Variants in MROH1 observed in about 807,000 individuals in gnomAD.
The protein encoded by MROH1 is maestro heat like repeat family member 1, also known as maestro heat-like repeat-containing protein family member 1.
MROH1 carries 117 observed loss-of-function variants against 116.5 expected under a neutral mutation model. The ratio of observed to expected loss-of-function variants is 1.00; its 90% CI spans 0.86 to 1.17. The LOEUF (loss-of-function observed/expected upper bound fraction) is 1.17. Ranked by LOEUF, MROH1 falls within the 50% of genes most tolerant of loss-of-function variation. MROH1 has a pLI of 0.00. For missense variants in MROH1, 1,873 were observed against 1,338.5 expected, an observed-to-expected ratio of 1.40 and a Z score of -6.23; for synonymous variants, 921 against 583.9, an observed-to-expected ratio of 1.58 and a Z score of -8.32.
chr8:144,157,049 G>A (rs1443158178), intron 1 of MROH1, among the ~76,000 whole-genome samples: 2 of 152,038 alleles, frequency 1.3e-5, no homozygotes, highest in East Asian at 1.9e-4. Flanking sequence ...TCCGCCTCCC[G>A]CATTCAAGGG....
Position 144,255,565 on chromosome 8 carries a change from C to G in MROH1, c.3651C>G (p.Leu1217=), listed in dbSNP as rs1009585058. Residue 1217 remains leucine (L), a synonymous_variant, in exon 35 of 44, where the codon CTC becomes CTG. Transcript: ENST00000326134. ...MSTPAAGPAV[L]ELYPQLFVVL... is the part of the protein sequence containing the mutation. ...CGCCTGCAGCGGGGCCCGCGGTGCT[C>G]GAGCTCTACCCCCAGCTGTTTGTGG... 9 of 779,396 alleles carry G rather than the reference C, an allele frequency of 1.2e-5. No homozygotes were observed. In the South Asian group the frequency reaches 1.2e-4, roughly 10 times the overall value. The allele number at this position is 779,396 out of a possible 1,614,324, so 48.3% of individuals were successfully genotyped here. A position where few individuals can be genotyped will look rare whatever the true frequency, so the allele number is the denominator to read the frequency against.
intron 29 of MROH1, among the ~76,000 whole-genome samples, chr8:144,246,099 C>CTTCCTTTCT (rs1400021184): frequency 4.7e-5 from 6 of 128,542 alleles, no homozygotes; most frequent in South Asian, 2.9e-4. Flanking sequence ...CCTTTCCTTC[C>CTTCCTTTCT]TTCCTTTCTT....
chr8:144,248,550 C>T (rs947462951), intron 31 of MROH1, among the ~76,000 whole-genome samples: 6 of 152,286 alleles, frequency 3.9e-5, no homozygotes, highest in South Asian at 4.1e-4. Context: ...AGCTCCAGGG[C>T]GACTGCACCA....
chr8:144,183,199 G>A (rs758114402), intron 7 of MROH1, among the ~76,000 whole-genome samples: 5 of 152,040 alleles, frequency 3.3e-5, no homozygotes, highest in Non-Finnish European at 7.4e-5. Context: ...GCAGCATGGT[G>A]AGACCCCATC....
In MROH1 at chr8:144,224,707, G is replaced by C. The variant is rs530500859; in HGVS notation, c.1338+1477G>C. 3.9e-5 allele frequency among the ~76,000 whole-genome samples: 6 copies of C among 152,296 alleles called. No homozygotes were observed. In the East Asian group the frequency reaches 1.2e-3, roughly 29 times the overall value. On this transcript the variant is annotated intron_variant, in intron 14 of 43. Transcript: ENST00000326134. ...TTATTCATGATAAAATGTTCAAAAA[G>C]CAAAGCAGGACATGTTGCTCTGAGA...
intron 5 of MROH1, among the ~76,000 whole-genome samples, chr8:144,179,905 G>A (rs574655841): frequency 1.3e-5 from 2 of 151,716 alleles, no homozygotes; most frequent in South Asian, 4.2e-4. Context: ...AACTCTCAGG[G>A]CACTGAGTGC....
intron 12 of MROH1, among the ~76,000 whole-genome samples, chr8:144,204,027 C>T (rs1832291714): frequency 6.6e-6 from 1 of 152,176 alleles, no homozygotes; most frequent in Admixed American, 6.6e-5. Flanking sequence ...ATATTTTAAC[C>T]AAATGACATA....
At chr8:144,247,471 C>A in intron 30 of MROH1, 35 bp downstream of exon 30, 1 of 766,382 alleles carries the variant, frequency 1.3e-6, no homozygotes, top group South Asian at 1.4e-5. Context: ...GGCCAGTGGT[C>A]GTGCAGGGGT....
intron 35 of MROH1, 71 bp from the exon 36 acceptor site, chr8:144,258,706 C>T (rs1183309208): frequency 1.1e-5 from 8 of 710,044 alleles, no homozygotes; most frequent in African/African-American, 5.2e-5. Context: ...TGGGTGCAGA[C>T]CTGAGGAGTT....
chr8:144,201,649 C>G (rs972380848), intron 12 of MROH1, among the ~76,000 whole-genome samples: 3 of 152,210 alleles, frequency 2.0e-5, no homozygotes, highest in Admixed American at 2.0e-4. Flanking sequence ...TACCAGTCAG[C>G]TGCTGGGTTG....
intron 33 of MROH1, chr8:144,254,518 G>T (rs1234520647): frequency 2.9e-6 from 1 of 348,366 alleles, no homozygotes; most frequent in Non-Finnish European, 5.3e-6. Context: ...GGGAAGATTT[G>T]TTCTCCCTCC....
chr8:144,248,331 A>G (rs1842259674), intron 31 of MROH1, among the ~76,000 whole-genome samples: 1 of 152,004 alleles, frequency 6.6e-6, no homozygotes, highest in Non-Finnish European at 1.5e-5. Flanking sequence ...TTCCAAGGGG[A>G]TGAGAAAGCT....
chr8:144,241,699 G>C (rs1172528373), intron 22 of MROH1, among the ~76,000 whole-genome samples, 182 bp downstream of exon 22: 3 of 152,360 alleles, frequency 2.0e-5, no homozygotes, highest in African/African-American at 7.2e-5. Flanking sequence ...GAGGGCGGCA[G>C]AATGGCCTCC....
chr8:144,188,038 A>G (rs994347751), intron 7 of MROH1, among the ~76,000 whole-genome samples: 3 of 152,228 alleles, frequency 2.0e-5, no homozygotes, highest in Admixed American at 6.5e-5. Context: ...ATGGAAAGCC[A>G]GGGACCGGCG....
intron 14 of MROH1, 79 bp downstream of exon 14, chr8:144,223,309 T>C (rs1837186571): frequency 1.3e-6 from 2 of 1,514,088 alleles, no homozygotes; most frequent in Non-Finnish European, 1.8e-6. Flanking sequence ...CAGGAGCCAC[T>C]GGCCCAGCAG....
intron 1 of MROH1, among the ~76,000 whole-genome samples, chr8:144,159,354 G>T (rs1048983365): frequency 6.6e-6 from 1 of 152,150 alleles, no homozygotes; most frequent in Admixed American, 6.6e-5. Context: ...GCGAAACTCC[G>T]TGTCAAAAAG....
intron 14 of MROH1, among the ~76,000 whole-genome samples, chr8:144,237,823 T>C (rs1329233480): frequency 6.6e-6 from 1 of 152,230 alleles, no homozygotes; most frequent in African/African-American, 2.4e-5. Context: ...GTGCATTTTT[T>C]CGCACAGGCA....
intron 43 of MROH1, 151 bp from the exon 44 acceptor site, chr8:144,261,504 A>G (rs1156959549): frequency 1.4e-6 from 1 of 690,596 alleles, no homozygotes; most frequent in Admixed American, 2.1e-5. Context: ...AACTGTTCCA[A>G]AAGAGCTTAA....
At position 144,220,743 on chromosome 8, in the gene MROH1, G is replaced by T. The variant is rs561756056; in HGVS notation, c.1215+70G>T. On this transcript the variant is annotated intron_variant, in intron 13 of 43. Coordinates refer to ENST00000326134, the MANE Select transcript of MROH1 (RefSeq NM_032450.3). ...CAGCTGCAGGGTGTGGCCAGGCTGT[G>T]CTGTGAGATCACCCACCAACCAGGC... 5 of 1,401,568 alleles carry T rather than the reference G, an allele frequency of 3.6e-6. No homozygotes were observed. The South Asian group carries it at 5.0e-5, about 14-fold the overall frequency. The allele number at this position is 1,401,568 out of a possible 1,614,324, so 86.8% of individuals were successfully genotyped here. A position where few individuals can be genotyped will look rare whatever the true frequency, so the allele number is the denominator to read the frequency against.
Sources: allele counts gnomAD v4.1 joint callset (sites outside exome capture counted in the v4.1 genomes callset), GRCh38; gene constraint gnomAD v4.1.1; transcripts MANE v1.5; gene names NCBI Gene and HGNC (gene_info 2026-07-23, HGNC 2026-07-21).